Variants in CACNA1C observed in about 807,000 individuals in gnomAD.
The protein encoded by CACNA1C is voltage-dependent L-type calcium channel subunit alpha-1C.
In CACNA1C, 30 loss-of-function variants were observed where a neutral mutation model predicts 229.0. The ratio of observed to expected loss-of-function variants is 0.13; its 90% CI spans 0.10 to 0.18. CACNA1C has a LOEUF of 0.18. CACNA1C is among the 10% of genes least tolerant of loss of function. CACNA1C has a pLI of 1.00. For missense variants in CACNA1C, 1,658 were observed against 2,845.0 expected, an observed-to-expected ratio of 0.58 and a Z score of 9.49; for synonymous variants, 1,114 against 1,132.5, an observed-to-expected ratio of 0.98 and a Z score of 0.33.
At position 2,632,765 on chromosome 12, in the gene CACNA1C, C is replaced by T. The variant is rs73243561; in HGVS notation, c.3829-1532C>T. On this transcript the variant is annotated intron_variant, in intron 29 of 46. Coordinates refer to ENST00000399655, the MANE Select transcript of CACNA1C (RefSeq NM_000719.7). This position sits in a 1 kb window ranked among gnomAD's most constrained non-coding sequence, Gnocchi z 4.1. ...CGCTTTGATCACCGCGTGCCCTCTG[C>T]GCGGCGTCTGCATTCAGCAGGACCC... Among the ~76,000 whole-genome samples the T allele has an allele frequency of 0.034, 5,151 of 152,204 alleles. 299 individuals carry two copies. Among genetic ancestry groups the T allele is most frequent in the African/African-American group, 0.12 (4,833 of 41,494 alleles).
intron 3 of CACNA1C, among the ~76,000 whole-genome samples, chr12:2,258,372 T>C (rs939230943): frequency 2.0e-5 from 3 of 152,260 alleles, no homozygotes; most frequent in African/African-American, 7.2e-5. Context: ...ATATATTGTT[T>C]TAAAATATGT....
At position 2,396,387 on chromosome 12, in the gene CACNA1C, AG is replaced by A; in HGVS notation, c.478-52587del. On this transcript the variant is annotated intron_variant, in intron 3 of 46. Transcript: ENST00000399655. ...CGGTGTCCGAGTCAAGGGGACGAAG[AG>A]GCCTGCCCAAGAAGAAGAGGGATGA... Among the ~76,000 whole-genome samples the A allele has an allele frequency of 1.3e-5, 2 of 152,254 alleles. 1 individual carries two copies. Among genetic ancestry groups the A allele is most frequent in the South Asian group, 4.1e-4 (2 of 4,828 alleles).
intron 1 of CACNA1C, among the ~76,000 whole-genome samples, chr12:1,994,438 T>G (rs1392075737): frequency 2.0e-5 from 3 of 152,240 alleles, no homozygotes; most frequent in Non-Finnish European, 4.4e-5. Context: ...AACCTCCAAT[T>G]TTAAAATTGA....
At chr12:2,553,651 T>G (rs894942315) in intron 10 of CACNA1C, among the ~76,000 whole-genome samples, 5 of 152,180 alleles carry the variant, frequency 3.3e-5, no homozygotes, top group Non-Finnish European at 7.4e-5. Flanking sequence ...TGTCCCAGGG[T>G]GGGGCTTAGC....
chr12:1,996,127 T>A (rs1165762997), intron 1 of CACNA1C, among the ~76,000 whole-genome samples: 1 of 152,202 alleles, frequency 6.6e-6, no homozygotes, highest in African/African-American at 2.4e-5. Flanking sequence ...CATCATTTCA[T>A]ATCTACCCCA....
At chr12:1,992,888 C>T (rs2039797665) in intron 1 of CACNA1C, 2 of 484,608 alleles carry the variant, frequency 4.1e-6, no homozygotes, top group Admixed American at 3.7e-5. Context: ...AGAAAAAGTG[C>T]CATAGCAGAC....
rs371134302 is a variant in CACNA1C at position 2,609,623 on chromosome 12, C to T, written c.3558+911C>T. On this transcript the variant is annotated intron_variant, in intron 27 of 46. Coordinates refer to ENST00000399655, the MANE Select transcript of CACNA1C (RefSeq NM_000719.7). ...TGGAAAGAATAGGAGGAGGTAAAAG[C>T]GTTAAGACTCAGGCGTTGGACACCG... Among the ~76,000 whole-genome samples, 18 of 150,768 alleles carry T rather than the reference C, an allele frequency of 1.2e-4. No individual in the cohort carries two copies. The South Asian group carries it at 3.2e-3, about 27-fold the overall frequency.
chr12:2,053,445 C>G lies in CACNA1C; in HGVS notation c.-118C>G. On this transcript the variant is annotated 5_prime_UTR_variant, in exon 1 of 47. Transcript: ENST00000399655. This position sits in a 1 kb window ranked among gnomAD's most constrained non-coding sequence, Gnocchi z 5.8. The stretch of plus-strand genomic sequence containing the variant: ...GAAACGCTGCAGACCACGGCTTCCT[C>G]GAATCTTGCGCGAAAGCCGCCGGCC... The G allele has an allele frequency of 6.8e-7, 1 of 1,471,362 alleles. No individual in the cohort carries two copies. The highest frequency in any genetic ancestry group is 9.1e-7 in the Non-Finnish European group (1 of 1,103,620). 91.1% of individuals were successfully genotyped at this position (1,471,362 alleles called of 1,614,324 possible).
intron 3 of CACNA1C, among the ~76,000 whole-genome samples, chr12:2,130,161 T>C (rs921125889): frequency 6.7e-6 from 1 of 150,372 alleles, no homozygotes; most frequent in Admixed American, 6.7e-5. Flanking sequence ...TGTTAACTCA[T>C]TTAGTCCCCT....
intron 3 of CACNA1C, among the ~76,000 whole-genome samples, chr12:2,336,036 A>C (rs995049373): frequency 5.3e-5 from 8 of 152,030 alleles, no homozygotes; most frequent in South Asian, 2.1e-4. Flanking sequence ...AAAAAAAAAA[A>C]AAAACAAACC....
intron 29 of CACNA1C, among the ~76,000 whole-genome samples, chr12:2,615,476 T>C (rs1284223186): frequency 6.6e-6 from 1 of 152,228 alleles, no homozygotes; most frequent in Non-Finnish European, 1.5e-5. Context: ...TGTTCCTGAA[T>C]TGGAAAGCTC....
In CACNA1C at chr12:2,463,006, G is replaced by A. The variant is rs146693739; in HGVS notation, c.757+5300G>A. Among the ~76,000 whole-genome samples the A allele has an allele frequency of 8.7e-3, 1,291 of 147,736 alleles. 20 individuals carry two copies. Among genetic ancestry groups the A allele is most frequent in the African/African-American group, 0.031 (1,222 of 39,688 alleles). ...CGGCTCACTGTAAGCTCCGCCTCCTGGGTTCACGCCATTCTCCTGCTTCAG... is the reference window on the plus strand; with the variant it reads ...CGGCTCACTGTAAGCTCCGCCTCCTAGGTTCACGCCATTCTCCTGCTTCAG... On this transcript the variant is annotated intron_variant, in intron 5 of 46. Coordinates refer to ENST00000399655, the MANE Select transcript of CACNA1C (RefSeq NM_000719.7).
intron 3 of CACNA1C, among the ~76,000 whole-genome samples, chr12:2,338,613 C>T (rs1279667664): frequency 6.6e-6 from 1 of 151,984 alleles, no homozygotes; most frequent in African/African-American, 2.4e-5. Context: ...TCCCCAGAGA[C>T]TGGGTGATGT....
chr12:2,292,975 C>G (rs1178270132), intron 3 of CACNA1C, among the ~76,000 whole-genome samples: 1 of 151,950 alleles, frequency 6.6e-6, no homozygotes, highest in Admixed American at 6.6e-5. Context: ...TTAAAAGCCC[C>G]TTGGCAACCC....
intron 9 of CACNA1C, among the ~76,000 whole-genome samples, chr12:2,537,930 G>A (rs778885930): frequency 2.0e-5 from 3 of 152,138 alleles, no homozygotes; most frequent in Non-Finnish European, 2.9e-5. Context: ...AAGTTCAAGA[G>A]TTTGTTGGGT....
chr12:2,019,595 G>A (rs976688676), intron 1 of CACNA1C, among the ~76,000 whole-genome samples: 5 of 137,782 alleles, frequency 3.6e-5, no homozygotes, highest in African/African-American at 1.3e-4. Flanking sequence ...GAGAAAGAAA[G>A]AGAAGGAAAG....
At chr12:2,011,726 C>T (rs1412629171) in intron 1 of CACNA1C, among the ~76,000 whole-genome samples, 2 of 152,170 alleles carry the variant, frequency 1.3e-5, no homozygotes, top group Non-Finnish European at 2.9e-5. Flanking sequence ...GACTTTTTAA[C>T]GTTAAATCAA....
At chr12:2,252,125 G>GA (rs1186508348) in intron 3 of CACNA1C, among the ~76,000 whole-genome samples, 1 of 152,184 alleles carries the variant, frequency 6.6e-6, no homozygotes, top group African/African-American at 2.4e-5. Context: ...CTGGAGTTCA[G>GA]AAAAAGACTG....
intron 9 of CACNA1C, among the ~76,000 whole-genome samples, chr12:2,522,375 G>C (rs991193348): frequency 1.3e-5 from 2 of 152,258 alleles, no homozygotes; most frequent in Admixed American, 1.3e-4. Context: ...AATTCTCTTC[G>C]GATCAGAGAA....
Sources: gnomAD v4.1 joint callset for allele counts (sites outside exome capture counted in the v4.1 genomes callset) on GRCh38, gnomAD v4.1.1 for gene constraint, Gnocchi (gnomAD v3.1) non-coding constraint, MANE v1.5 for transcripts, NCBI Gene and HGNC (gene_info 2026-07-23, HGNC 2026-07-21) for gene names.